Variants in SEMA4F observed in about 807,000 individuals in gnomAD.
The protein encoded by SEMA4F is semaphorin-4F.
In SEMA4F, 51 loss-of-function variants were observed where a neutral mutation model predicts 78.4. The observed-to-expected ratio is 0.65, with a 90% CI of 0.52 to 0.82. The LOEUF (loss-of-function observed/expected upper bound fraction) is 0.82. Ranked by LOEUF, SEMA4F falls within the 40% of genes least tolerant of loss-of-function variation. The probability of loss-of-function intolerance (pLI) is 0.00; values close to 1 mark genes in which losing one functional copy is unlikely to be tolerated. For synonymous variants in SEMA4F, 418 were observed against 408.7 expected (o/e 1.02, Z -0.27); for missense variants, 938 against 1,014.4 (o/e 0.92, Z 1.02).
chr2:74,693,260 A>G, the SEMA4F span, among the ~76,000 whole-genome samples: 1 of 152,232 alleles, frequency 6.6e-6, no homozygotes, highest in African/African-American at 2.4e-5. Flanking sequence ...CTAACCTTCC[A>G]TTGATTAACA....
intron 5 of SEMA4F, among the ~76,000 whole-genome samples, chr2:74,665,789 C>T (rs576832266): frequency 7.9e-5 from 12 of 152,010 alleles, no homozygotes; most frequent in African/African-American, 2.2e-4. Flanking sequence ...TCTGAGTTTT[C>T]GTGGTTGTGA....
Position 74,658,892 on chromosome 2 carries a change from C to T in SEMA4F, c.456+941C>T, listed in dbSNP as rs1684290820. Among the ~76,000 whole-genome samples the T allele has an allele frequency of 6.6e-6, 1 of 152,162 alleles. No homozygotes were observed. The highest frequency in any genetic ancestry group is 1.5e-5 in the Non-Finnish European group (1 of 68,036). The stretch of plus-strand genomic sequence containing the variant: ...GATCTTGTCTTGACTCTTCTGCAGT[C>T]CTCAGTAATCCCTGCCACCTGGATC... On this transcript the variant is annotated intron_variant, in intron 4 of 13. Transcript: ENST00000357877. This position sits in a 1 kb window ranked among gnomAD's most constrained non-coding sequence, Gnocchi z 4.3.
the SEMA4F span, among the ~76,000 whole-genome samples, chr2:74,696,147 T>C: frequency 1.8e-4 from 27 of 151,266 alleles, no homozygotes; most frequent in Non-Finnish European, 3.5e-4. Context: ...AAAATATATA[T>C]ATAAAAGTTT....
chr2:74,662,937 G>A (rs1176534635), intron 5 of SEMA4F, 112 bp downstream of exon 5: 1 of 984,438 alleles, frequency 1.0e-6, no homozygotes, highest in Non-Finnish European at 1.6e-6. Flanking sequence ...TTATTCTCAT[G>A]TCTCTTTTTA....
intron 4 of SEMA4F, among the ~76,000 whole-genome samples, chr2:74,661,258 AG>A (rs1414483694): frequency 2.0e-5 from 3 of 152,222 alleles, no homozygotes; most frequent in Non-Finnish European, 2.9e-5. Context: ...GATAGAACAA[AG>A]GTCATTTTGA....
At chr2:74,679,216 A>T in intron 12 of SEMA4F, 60 bp from the exon 13 acceptor site, 1 of 1,236,294 alleles carries the variant, frequency 8.1e-7, no homozygotes, top group Middle Eastern at 1.9e-4. Context: ...CTTCAGTAAT[A>T]CTGAGGGGGG....
chr2:74,704,107 G>A, the SEMA4F span, among the ~76,000 whole-genome samples: 4 of 152,044 alleles, frequency 2.6e-5, no homozygotes, highest in Admixed American at 2.0e-4. Flanking sequence ...AATCTCCAAA[G>A]AGTCAAGTAC....
intron 5 of SEMA4F, among the ~76,000 whole-genome samples, chr2:74,672,118 A>G (rs1357315468): frequency 6.6e-6 from 1 of 152,248 alleles, no homozygotes; most frequent in Non-Finnish European, 1.5e-5. Context: ...GGTAAAGTGC[A>G]TATCTGCTGG....
intron 5 of SEMA4F, among the ~76,000 whole-genome samples, chr2:74,663,459 G>A (rs1684527904): frequency 6.6e-6 from 1 of 152,154 alleles, no homozygotes; most frequent in South Asian, 2.1e-4. Flanking sequence ...GTCCATTTGT[G>A]TTGCTATAAA....
the SEMA4F span, among the ~76,000 whole-genome samples, chr2:74,706,987 A>G: frequency 6.6e-6 from 1 of 152,202 alleles, no homozygotes; most frequent in African/African-American, 2.4e-5. Context: ...CTGGAAGCAG[A>G]ACAAGGCTGG....
chr2:74,686,061 C>G (rs752380160), downstream of SEMA4F, among the ~76,000 whole-genome samples: 2 of 151,896 alleles, frequency 1.3e-5, no homozygotes, highest in African/African-American at 2.4e-5. Flanking sequence ...CAGGAAACAA[C>G]AGATGCTGGA....
chr2:74,668,415 A>G (rs912890877), intron 5 of SEMA4F, among the ~76,000 whole-genome samples: 1 of 152,230 alleles, frequency 6.6e-6, no homozygotes, highest in South Asian at 2.1e-4. Flanking sequence ...AGGTAGAGTC[A>G]ACACTGCATC....
At chr2:74,665,115 T>G (rs1033441728) in intron 5 of SEMA4F, among the ~76,000 whole-genome samples, 3 of 152,156 alleles carry the variant, frequency 2.0e-5, no homozygotes, top group African/African-American at 2.4e-5. Flanking sequence ...GGGAAATATT[T>G]TATGTTAAAC....
chr2:74,707,982 T>C, the SEMA4F span, among the ~76,000 whole-genome samples: 3 of 152,178 alleles, frequency 2.0e-5, no homozygotes, highest in Non-Finnish European at 4.4e-5. Context: ...CGCTGCTCAG[T>C]GCTCACTCAG....
In SEMA4F at chr2:74,680,742, G is replaced by T. The variant is rs535756675; in HGVS notation, c.*533G>T. On this transcript the variant is annotated 3_prime_UTR_variant, in exon 14 of 14. Coordinates refer to ENST00000357877, the MANE Select transcript of SEMA4F (RefSeq NM_004263.5). ...CAGTTTTCCTTCCATGAAAGAGTAC[G>T]TGTAAATACATAGTGTTCATAAGAG... The T allele has an allele frequency of 6.5e-6, 1 of 153,712 alleles. No individual in the cohort carries two copies. The allele number at this position is 153,712 out of a possible 1,614,324, so 9.5% of individuals were successfully genotyped here.
the SEMA4F span, among the ~76,000 whole-genome samples, chr2:74,701,145 G>A: frequency 6.6e-6 from 1 of 152,118 alleles, no homozygotes; most frequent in African/African-American, 2.4e-5. Context: ...TACTGAGCTG[G>A]AACGGGCATG....
intron 5 of SEMA4F, among the ~76,000 whole-genome samples, chr2:74,666,315 T>G (rs1684696104): frequency 6.6e-6 from 1 of 152,250 alleles, no homozygotes; most frequent in African/African-American, 2.4e-5. Context: ...ATTTCCAGTT[T>G]TAGTAAATGT....
the SEMA4F span, among the ~76,000 whole-genome samples, chr2:74,691,172 G>C: frequency 1.3e-5 from 2 of 152,116 alleles, no homozygotes; most frequent in East Asian, 3.8e-4. Flanking sequence ...AGCAAATAAA[G>C]CACGATTTGT....
At chr2:74,673,288 G>C (rs1685079869) in intron 5 of SEMA4F, among the ~76,000 whole-genome samples, 169 bp from the exon 6 acceptor site, 2 of 152,168 alleles carry the variant, frequency 1.3e-5, no homozygotes, top group Admixed American at 1.3e-4. Context: ...TTTATGTCTA[G>C]ATTTCCTTAA....
Sources: gnomAD v4.1 joint callset for allele counts (sites outside exome capture counted in the v4.1 genomes callset) on GRCh38, gnomAD v4.1.1 for gene constraint, Gnocchi (gnomAD v3.1) non-coding constraint, MANE v1.5 for transcripts, NCBI Gene and HGNC (gene_info 2026-07-23, HGNC 2026-07-21) for gene names.